The following ROCK2 variants were observed in gnomAD, a reference collection of about 807,000 sequenced individuals.
ROCK2 encodes the protein Rho associated coiled-coil containing protein kinase 2.
In ROCK2, 61 loss-of-function variants were observed where a neutral mutation model predicts 195.1. That is an observed-to-expected ratio of 0.31 (90% CI 0.25 to 0.39). The LOEUF (loss-of-function observed/expected upper bound fraction) is 0.39, where lower values mean the gene tolerates loss of function less well. Among genes scored for constraint, ROCK2 ranks in the 10% least tolerant of loss-of-function variants. The pLI is 1.00. For missense variants in ROCK2, 1,109 were observed against 1,637.4 expected (o/e 0.68, Z 5.57); for synonymous variants, 504 against 545.5 (o/e 0.92, Z 1.06).
intron 1 of ROCK2, among the ~76,000 whole-genome samples, chr2:11,320,800 G>A (rs568776551): frequency 6.6e-6 from 1 of 152,318 alleles, no homozygotes; most frequent in Admixed American, 6.5e-5. Flanking sequence ...AGGTGACCAT[G>A]CCCAGAGAGG....
chr2:11,238,640 G>T (rs910308335), intron 4 of ROCK2, among the ~76,000 whole-genome samples: 1 of 152,118 alleles, frequency 6.6e-6, no homozygotes, highest in Non-Finnish European at 1.5e-5. Context: ...TTGAGGCCAG[G>T]AATTTGAGAC....
Position 11,194,259 on chromosome 2 carries a change from A to G in ROCK2, c.3605T>C (p.Ile1202Thr). 7.5e-7 allele frequency: 1 copy of G among 1,331,050 alleles called. No homozygotes were observed. Among genetic ancestry groups the G allele is most frequent in the Non-Finnish European group, 1.0e-6 (1 of 971,900 alleles). 82.5% of individuals were successfully genotyped at this position (1,331,050 alleles called of 1,614,324 possible). A position where few individuals can be genotyped will look rare whatever the true frequency, so the allele number is the denominator to read the frequency against. ...ATATTCTAACAAAAACACTTACTCT[A>G]TATCTAAAACCATGTAAGGATTGGA... ...EQSNPYMVLD[I>T]DKLFHVRPVT... The change falls in exon 29 of 33, where the codon ATA becomes ACA. Residue 1202 changes from isoleucine to threonine, a missense_variant. Transcript: ENST00000315872.
chr2:11,225,227 T>C (rs1664772322), intron 6 of ROCK2, among the ~76,000 whole-genome samples: 1 of 152,174 alleles, frequency 6.6e-6, no homozygotes, highest in South Asian at 2.1e-4. Flanking sequence ...ATGGAAAATG[T>C]TGAAGGCACC....
At chr2:11,317,577 T>TAA (rs1491363840) in intron 1 of ROCK2, among the ~76,000 whole-genome samples, 1 of 13,216 alleles carries the variant, frequency 7.6e-5, no homozygotes, top group African/African-American at 3.5e-4. Context: ...TCTACACATT[T>TAA]ATATATATAT....
intron 4 of ROCK2, among the ~76,000 whole-genome samples, chr2:11,240,725 C>A (rs1665393830): frequency 2.6e-5 from 4 of 152,204 alleles, no homozygotes; most frequent in Non-Finnish European, 5.9e-5. Context: ...CTAAAACTCA[C>A]TAAAGCATAC....
At chr2:11,227,627 G>C (rs1467872556) in intron 5 of ROCK2, among the ~76,000 whole-genome samples, 1 of 152,130 alleles carries the variant, frequency 6.6e-6, no homozygotes, top group African/African-American at 2.4e-5. Flanking sequence ...AATACAGGAG[G>C]CTTCCTCAAT....
At chr2:11,312,076 G>A (rs1439348177) in intron 1 of ROCK2, among the ~76,000 whole-genome samples, 1 of 152,100 alleles carries the variant, frequency 6.6e-6, no homozygotes. Context: ...CAAAATTACA[G>A]AGCAATGCCA....
At chr2:11,199,571 T>C (rs1469736683) in intron 23 of ROCK2, among the ~76,000 whole-genome samples, 3 of 151,616 alleles carry the variant, frequency 2.0e-5, no homozygotes, top group Admixed American at 1.3e-4. Flanking sequence ...GCTCAAGCAA[T>C]ACTCCCACCT....
chr2:11,221,424 A>C, intron 8 of ROCK2, 67 bp from the exon 9 acceptor site: 1 of 1,129,396 alleles, frequency 8.9e-7, no homozygotes, highest in Non-Finnish European at 1.2e-6. Flanking sequence ...CTATTTTATT[A>C]TGATGTATTA....
intron 3 of ROCK2, among the ~76,000 whole-genome samples, chr2:11,284,963 T>C (rs1667133238): frequency 6.6e-6 from 1 of 152,184 alleles, no homozygotes; most frequent in African/African-American, 2.4e-5. Flanking sequence ...AAACAAGTCA[T>C]TAAAATGTTT....
chr2:11,256,022 A>G (rs1395322382), intron 3 of ROCK2, among the ~76,000 whole-genome samples: 1 of 150,630 alleles, frequency 6.6e-6, no homozygotes, highest in Non-Finnish European at 1.5e-5. Context: ...AAATGAATAA[A>G]TGAAACTGAA....
chr2:11,290,540 G>A (rs1667330628), intron 1 of ROCK2, among the ~76,000 whole-genome samples: 1 of 151,902 alleles, frequency 6.6e-6, no homozygotes, highest in East Asian at 1.9e-4. Flanking sequence ...TGAAGAAAAC[G>A]ATCTGCCTGT....
chr2:11,208,303 T>C lies in ROCK2; in HGVS notation c.2348A>G (p.Asp783Gly). ...AATACTTACATCCTCATTTAGCACATCTTTCTGTTTAAGGAGCTCATTTAT... is the reference window on the plus strand; with the variant it reads ...AATACTTACATCCTCATTTAGCACACCTTTCTGTTTAAGGAGCTCATTTAT... ...QKINELLKQKDVLNEDVRNLT... is the reference protein window; with the variant it reads ...QKINELLKQKGVLNEDVRNLT... The change falls in exon 19 of 33, where the codon GAT (aspartate) becomes GGT (glycine). Residue 783 changes from aspartate to glycine, a missense_variant. Coordinates refer to ENST00000315872, the MANE Select transcript of ROCK2 (RefSeq NM_004850.5). 6.9e-7 allele frequency: 1 copy of C among 1,449,894 alleles called. No homozygotes were observed. The highest frequency in any genetic ancestry group is 1.7e-5 in the South Asian group (1 of 60,424). The allele number at this position is 1,449,894 out of a possible 1,614,324, so 89.8% of individuals were successfully genotyped here. A position where few individuals can be genotyped will look rare whatever the true frequency, so the allele number is the denominator to read the frequency against.
intron 4 of ROCK2, among the ~76,000 whole-genome samples, chr2:11,245,256 T>C (rs949367056): frequency 6.7e-6 from 1 of 149,028 alleles, no homozygotes; most frequent in Non-Finnish European, 1.5e-5. Context: ...TAAAATTATA[T>C]TATAAATTTA....
In ROCK2 at chr2:11,344,191, G is replaced by T; in HGVS notation, c.-55C>A. ...CCTCGCGCTCAGGTCCCGCAGCCTC[G>T]GGGCCTAGCACCGCCCCCGAACCAC... On this transcript the variant is annotated 5_prime_UTR_variant, in exon 1 of 33. Transcript: ENST00000315872. This position sits in a 1 kb window ranked among gnomAD's most constrained non-coding sequence, Gnocchi z 5.4. The T allele has an allele frequency of 7.2e-7, 1 of 1,380,762 alleles. No homozygotes were observed. The highest frequency in any genetic ancestry group is 9.3e-7 in the Non-Finnish European group (1 of 1,072,702). The allele number at this position is 1,380,762 out of a possible 1,614,324, so 85.5% of individuals were successfully genotyped here.
chr2:11,193,775 T>C lies in ROCK2; in HGVS notation c.3687+4A>G. 1 of 1,556,398 alleles carries C rather than the reference T, an allele frequency of 6.4e-7. No homozygotes were observed. Among genetic ancestry groups the C allele is most frequent in the East Asian group, 2.3e-5 (1 of 42,922 alleles). ...CAACCAAATATAAACAAAACTATGT[T>C]TACCTGGAATATCCTTGGAATTTCT... On this transcript the variant is annotated splice_donor_region_variant and intron_variant, in intron 30 of 32. Coordinates refer to ENST00000315872, the MANE Select transcript of ROCK2 (RefSeq NM_004850.5).
Position 11,192,113 on chromosome 2 carries a change from T to C in ROCK2, c.4163+35A>G, listed in dbSNP as rs1039258337. ...TAAATAGCAAAATATTTTAATAGAC[T>C]TTTTTTTTTTCCTTACCACATTTTA... On this transcript the variant is annotated intron_variant, in intron 32 of 32. Coordinates refer to ENST00000315872, the MANE Select transcript of ROCK2 (RefSeq NM_004850.5). The surrounding 1 kb of genome is among the most constrained non-coding windows in gnomAD (Gnocchi z 5.0). The C allele has an allele frequency of 7.5e-6, 6 of 803,388 alleles. No individual in the cohort carries two copies. Among genetic ancestry groups the C allele is most frequent in the Non-Finnish European group, 1.1e-5 (6 of 569,712 alleles). 49.8% of individuals were successfully genotyped at this position (803,388 alleles called of 1,614,324 possible).
chr2:11,209,483 G>A (rs955442293), intron 18 of ROCK2, among the ~76,000 whole-genome samples: 4 of 152,058 alleles, frequency 2.6e-5, no homozygotes, highest in African/African-American at 2.4e-5. Flanking sequence ...AAAGCAAAAC[G>A]GTATAGAAAG....
At chr2:11,317,612 A>ATATATTTTT (rs59701503) in intron 1 of ROCK2, among the ~76,000 whole-genome samples, 7 of 19,314 alleles carry the variant, frequency 3.6e-4, no homozygotes, top group Non-Finnish European at 5.1e-4. Context: ...ATATATATAT[A>ATATATTTTT]TTTTTTTTTT....
Sources: gnomAD v4.1 joint callset for allele counts (sites outside exome capture counted in the v4.1 genomes callset) on GRCh38, gnomAD v4.1.1 for gene constraint, Gnocchi (gnomAD v3.1) non-coding constraint, MANE v1.5 for transcripts, NCBI Gene and HGNC (gene_info 2026-07-23, HGNC 2026-07-21) for gene names.